FBN3: variants seen among roughly 807,000 people sequenced by gnomAD.
FBN3 encodes fibrillin-3.
A neutral mutation model predicts 330.1 loss-of-function variants in FBN3; 234 were observed. The observed-to-expected ratio is 0.71, with a 90% CI of 0.64 to 0.79. The LOEUF (loss-of-function observed/expected upper bound fraction) is 0.79, where lower values mean the gene tolerates loss of function less well. Ranked by LOEUF, FBN3 falls within the 30% of genes least tolerant of loss-of-function variation. FBN3 has a pLI of 0.00. For synonymous variants in FBN3, 1,458 were observed against 1,517.3 expected (o/e 0.96, Z 0.91); for missense variants, 3,606 against 3,886.9 (o/e 0.93, Z 1.92).
At chr19:8,086,013 G>A (rs1399236050) in intron 55 of FBN3, among the ~76,000 whole-genome samples, 187 bp downstream of exon 55, 1 of 147,304 alleles carries the variant, frequency 6.8e-6, no homozygotes, top group Non-Finnish European at 1.5e-5. Context: ...GGGGGGACAG[G>A]CAGTGGGAGG....
intron 59 of FBN3, among the ~76,000 whole-genome samples, chr19:8,077,934 G>A (rs530170335): frequency 1.1e-4 from 17 of 151,038 alleles, no homozygotes; most frequent in East Asian, 3.9e-4. Context: ...AAAATTAGCC[G>A]GGCGTGGTGG....
rs1382560890 is a variant in FBN3, at chr19:8,088,048, G to A, written c.6496+12C>T. On this transcript the variant is annotated intron_variant, in intron 52 of 63. Coordinates refer to ENST00000600128, the MANE Select transcript of FBN3 (RefSeq NM_032447.5). Reference sequence around the variant, plus strand: ...GTCACACGGCCCAGGTCCTGGGCAAGCAGAGTTGTACCCTCGCAGGTCATC... The same window carrying A: ...GTCACACGGCCCAGGTCCTGGGCAAACAGAGTTGTACCCTCGCAGGTCATC... 4 of 1,614,126 alleles carry A rather than the reference G, an allele frequency of 2.5e-6. No homozygotes were observed. In the South Asian group the frequency reaches 4.4e-5, roughly 18 times the overall value.
chr19:8,139,582 T>C (rs538170419), intron 8 of FBN3, among the ~76,000 whole-genome samples: 1 of 151,824 alleles, frequency 6.6e-6, no homozygotes, highest in African/African-American at 2.4e-5. Flanking sequence ...CTTCAGGCAT[T>C]ATGCAGAAGC....
At position 8,097,011 on chromosome 19, in the gene FBN3, G is replaced by A; in HGVS notation, c.5288-5C>T. ...TGCTGCCACACTCATCGACATCTGGGAAAATACAGCAAATGAGGTGGGGGT... is the reference window on the plus strand; with the variant it reads ...TGCTGCCACACTCATCGACATCTGGAAAAATACAGCAAATGAGGTGGGGGT... On this transcript the variant is annotated splice_region_variant and splice_polypyrimidine_tract_variant and intron_variant, in intron 42 of 63. Transcript: ENST00000600128. 1 of 1,611,874 alleles carries A rather than the reference G, an allele frequency of 6.2e-7. No homozygotes were observed. The highest frequency in any genetic ancestry group is 8.5e-7 in the Non-Finnish European group (1 of 1,179,158).
At chr19:8,086,391 C>CAAA in intron 54 of FBN3, 66 bp from the exon 55 acceptor site, 4 of 1,319,900 alleles carry the variant, frequency 3.0e-6, no homozygotes, top group Non-Finnish European at 4.2e-6. Flanking sequence ...CCCACAGCCC[C>CAAA]AAAGGGCCCC....
Position 8,090,135 on chromosome 19 carries a change from C to G in FBN3, c.6148G>C (p.Gly2050Arg). The G allele has an allele frequency of 6.2e-7, 1 of 1,613,908 alleles. No homozygotes were observed. Among genetic ancestry groups the G allele is most frequent in the African/African-American group, 1.3e-5 (1 of 74,988 alleles). Reference sequence around the variant, plus strand: ...TGGGGACACAGTTCGCAGGGGTCTCCCCAGCCCTCCCCAGGCCTCTTACTG... The same window carrying G: ...TGGGGACACAGTTCGCAGGGGTCTCGCCAGCCCTCCCCAGGCCTCTTACTG... ...CCSKRPGEGW[G>R]DPCELCPQEG... The change falls in exon 49 of 64, where the codon GGA becomes CGA. Residue 2050 changes from glycine (G) to arginine (R), a missense_variant. Coordinates refer to ENST00000600128, the MANE Select transcript of FBN3 (RefSeq NM_032447.5).
Position 8,131,903 on chromosome 19 carries a change from A to T in FBN3, c.1715-74T>A. The T allele has an allele frequency of 7.1e-7, 1 of 1,403,066 alleles. No homozygotes were observed. The highest frequency in any genetic ancestry group is 9.4e-7 in the Non-Finnish European group (1 of 1,066,320). 86.9% of individuals were successfully genotyped at this position (1,403,066 alleles called of 1,614,324 possible). A position where few individuals can be genotyped will look rare whatever the true frequency, so the allele number is the denominator to read the frequency against. On this transcript the variant is annotated intron_variant, in intron 14 of 63. Coordinates refer to ENST00000600128, the MANE Select transcript of FBN3 (RefSeq NM_032447.5). This position sits in a 1 kb window ranked among gnomAD's most constrained non-coding sequence, Gnocchi z 4.5. ...CTCTCTCCCCTCCCCATCTCCCAAC[A>T]TTTCCATCTTCCCAGCCATTCTATT...
intron 20 of FBN3, 26 bp from the exon 21 acceptor site, chr19:8,126,373 G>C: frequency 1.9e-6 from 3 of 1,585,120 alleles, no homozygotes. Context: ...CAAGAGTGAA[G>C]AGAGGAGTCA....
Position 8,149,409 on chromosome 19 carries a change from C to G in FBN3, c.-18+40G>C, listed in dbSNP as rs1003229050. 3 of 151,814 alleles carry G rather than the reference C, an allele frequency of 2.0e-5. No individual in the cohort carries two copies. The highest frequency in any genetic ancestry group is 4.4e-5 in the Non-Finnish European group (3 of 67,892). The allele number at this position is 151,814 out of a possible 1,614,324, so 9.4% of individuals were successfully genotyped here. A position where few individuals can be genotyped will look rare whatever the true frequency, so the allele number is the denominator to read the frequency against. On this transcript the variant is annotated intron_variant, in intron 1 of 63. Transcript: ENST00000600128. The surrounding 1 kb of genome is among the most constrained non-coding windows in gnomAD (Gnocchi z 5.5). ...CCCGCCTTCTCCACCCTTCAGCGCC[C>G]GCGATCTCGCCCCGCCGCTGGCCCC...
intron 18 of FBN3, among the ~76,000 whole-genome samples, chr19:8,127,691 A>G (rs966334316): frequency 6.6e-6 from 1 of 152,242 alleles, no homozygotes; most frequent in Non-Finnish European, 1.5e-5. Context: ...TTTATTATAA[A>G]GGATATCACA....
chr19:8,128,499 G>T (rs1047379194), intron 18 of FBN3, among the ~76,000 whole-genome samples: 2 of 151,474 alleles, frequency 1.3e-5, no homozygotes, highest in African/African-American at 4.9e-5. Context: ...GGAGGCAGAG[G>T]TTGCAGTGAG....
chr19:8,068,628 G>C (rs1286326654), intron 63 of FBN3, among the ~76,000 whole-genome samples: 1 of 151,956 alleles, frequency 6.6e-6, no homozygotes, highest in African/African-American at 2.4e-5. Context: ...CTTGAGCCCA[G>C]GAGTTCAAGG....
Position 8,090,248 on chromosome 19 carries a change from G to T in FBN3, c.6035C>A (p.Thr2012Lys). Residue 2012 changes from threonine (T) to lysine (K), a missense_variant, in exon 49 of 64, where the codon ACA becomes AAA. Transcript: ENST00000600128. ...ACGGGTGAAGCAGAAACTCTGCCGT[G>T]TGTCTGTGGGGTGGGGGCTCCATTA... ...LSDNGHRCFD[T>K]RQSFCFTRFE... is the part of the protein sequence containing the mutation. 1 of 1,613,842 alleles carries T rather than the reference G, an allele frequency of 6.2e-7. No individual in the cohort carries two copies. Among genetic ancestry groups the T allele is most frequent in the Non-Finnish European group, 8.5e-7 (1 of 1,179,970 alleles).
At chr19:8,092,587 G>A (rs11260051) in intron 47 of FBN3, among the ~76,000 whole-genome samples, 61,757 of 151,118 alleles carry the variant, frequency 0.41, 13,613 homozygotes, top group East Asian at 0.7. Context: ...GTGGCGGGGC[G>A]CACCTGTAAT....
rs996556629 is a variant in FBN3, at chr19:8,068,607, C to T, written c.8089-2347G>A. ...GTCTCAGCTACTTGGGGGATTGAGGCGGGAGGATTGCTTGAGCCCAGGAGT... is the reference window on the plus strand; with the variant it reads ...GTCTCAGCTACTTGGGGGATTGAGGTGGGAGGATTGCTTGAGCCCAGGAGT... On this transcript the variant is annotated intron_variant, in intron 63 of 63. Transcript: ENST00000600128. Among the ~76,000 whole-genome samples, 6 of 150,984 alleles carry T rather than the reference C, an allele frequency of 4.0e-5. No individual in the cohort carries two copies. The East Asian group carries it at 7.8e-4, about 20-fold the overall frequency.
At chr19:8,108,095 C>T in intron 37 of FBN3, 75 bp downstream of exon 37, 1 of 1,357,426 alleles carries the variant, frequency 7.4e-7, no homozygotes. Context: ...CAACTCTACA[C>T]TTTGGTGAGG....
At chr19:8,108,894 G>A (rs2082510510) in intron 36 of FBN3, among the ~76,000 whole-genome samples, 1 of 152,162 alleles carries the variant, frequency 6.6e-6, no homozygotes, top group Non-Finnish European at 1.5e-5. Flanking sequence ...AAGGGTGAGG[G>A]AGAAGCAGCG....
rs199645708 is a variant in FBN3 at position 8,090,293 on chromosome 19, G to A, written c.6032-42C>T. 204 of 1,609,228 alleles carry A rather than the reference G, an allele frequency of 1.3e-4. No homozygotes were observed. In the Middle Eastern group the frequency reaches 1.5e-3, roughly 12 times the overall value. On this transcript the variant is annotated intron_variant, in intron 48 of 63. Transcript: ENST00000600128. ...CCATTACCCTGATTGAAAGCCGCTG[G>A]CAGTGCCCACCTGCCCCTGTGACCT...
intron 14 of FBN3, 77 bp downstream of exon 14, chr19:8,132,907 C>G (rs1345519965): frequency 6.9e-7 from 1 of 1,458,118 alleles, no homozygotes; most frequent in Non-Finnish European, 9.1e-7. Flanking sequence ...CGTCCGGTCC[C>G]TCTCCTCTTC....
Sources: allele counts gnomAD v4.1 joint callset (sites outside exome capture counted in the v4.1 genomes callset), GRCh38; gene constraint gnomAD v4.1.1; non-coding constraint Gnocchi (gnomAD v3.1); transcripts MANE v1.5; gene names NCBI Gene and HGNC (gene_info 2026-07-23, HGNC 2026-07-21).